The following SAMD5 variants were observed in gnomAD, a reference collection of about 807,000 sequenced individuals.
The protein encoded by SAMD5 is sterile alpha motif domain containing 5, also known as sterile alpha motif domain-containing protein 5.
Under a neutral mutation model 11.3 loss-of-function variants are expected in SAMD5, and 13 were observed. The observed-to-expected ratio is 1.15, with a 90% CI of 0.75 to 1.83. The LOEUF is 1.83. Ranked by LOEUF, SAMD5 falls within the 40% of genes most tolerant of loss-of-function variation. The pLI is 0.00. For synonymous variants in SAMD5, 129 were observed against 111.3 expected, an observed-to-expected ratio of 1.16 and a Z score of -1.00; for missense variants, 255 against 239.1, an observed-to-expected ratio of 1.07 and a Z score of -0.44.
At chr6:147,798,713 G>A in the SAMD5 span, among the ~76,000 whole-genome samples, 315 of 152,128 alleles carry the variant, frequency 2.1e-3, no homozygotes, top group African/African-American at 7.2e-3. Context: ...AAGTCTATTT[G>A]TAGGTCACTC....
At chr6:147,725,164 A>C (rs750529939) in intron 1 of SAMD5, among the ~76,000 whole-genome samples, 7 of 152,218 alleles carry the variant, frequency 4.6e-5, no homozygotes, top group Non-Finnish European at 1.0e-4. Context: ...AATATATAAT[A>C]TCCGTATCAT....
chr6:147,657,276 T>G lies in SAMD5; in HGVS notation c.163-80041T>G, dbSNP rs147762743. 6.7e-3 allele frequency among the ~76,000 whole-genome samples: 1,020 copies of G among 152,278 alleles called. 17 individuals are homozygous for G. Among genetic ancestry groups the G allele is most frequent in the South Asian group, 0.039 (188 of 4,824 alleles). ...TTGGGACAACTGATAAAACTTGGAA[T>G]ATTAATTGTAGATTAGATACAATTA... On this transcript the variant is annotated intron_variant, in intron 1 of 1. Transcript: ENST00000566741.
intron 1 of SAMD5, among the ~76,000 whole-genome samples, chr6:147,539,303 C>T (rs1373480234): frequency 6.6e-6 from 1 of 152,114 alleles, no homozygotes; most frequent in Non-Finnish European, 1.5e-5. Context: ...CTCCCAGTCG[C>T]GGGCGAGGAT....
chr6:147,638,303 T>C (rs1343868020), intron 1 of SAMD5, among the ~76,000 whole-genome samples: 1 of 152,244 alleles, frequency 6.6e-6, no homozygotes, highest in Non-Finnish European at 1.5e-5. Flanking sequence ...TTAGTCCATT[T>C]ATCTAAACTA....
the SAMD5 span, among the ~76,000 whole-genome samples, chr6:147,803,131 CTGTGTGTGTGTGTGTG>C: frequency 1.4e-3 from 188 of 136,816 alleles, 2 homozygotes; most frequent in South Asian, 4.0e-3. Context: ...GCCTTCCTTT[CTGTGTGTGTGTGTGTG>C]TGTGTGTGTG....
At chr6:147,631,634 C>T (rs917825834) in intron 1 of SAMD5, among the ~76,000 whole-genome samples, 7 of 152,088 alleles carry the variant, frequency 4.6e-5, no homozygotes, top group East Asian at 1.9e-4. Context: ...AAGAAATGAC[C>T]GCGGTGAACT....
the SAMD5 span, among the ~76,000 whole-genome samples, chr6:147,834,527 G>A: frequency 6.6e-6 from 1 of 152,194 alleles, no homozygotes; most frequent in Non-Finnish European, 1.5e-5. Context: ...GCGAGGACAA[G>A]GATGAGAAGG....
rs77599373 is a variant in SAMD5, at chr6:147,568,139, G to C, written c.*3683G>C. On this transcript the variant is annotated 3_prime_UTR_variant, in exon 2 of 2. Coordinates refer to ENST00000367474, the MANE Select transcript of SAMD5 (RefSeq NM_001030060.3). ...TGATTTACAAATTAGGAGTGCAAATGGGCTGTTCCCCGATAGCATCTTCTG... is the reference window on the plus strand; with the variant it reads ...TGATTTACAAATTAGGAGTGCAAATCGGCTGTTCCCCGATAGCATCTTCTG... 4 of 985,062 alleles carry C rather than the reference G, an allele frequency of 4.1e-6. No individual in the cohort carries two copies. The African/African-American group carries it at 7.0e-5, about 17-fold the overall frequency. 61.0% of individuals were successfully genotyped at this position (985,062 alleles called of 1,614,324 possible). A position where few individuals can be genotyped will look rare whatever the true frequency, so the allele number is the denominator to read the frequency against.
chr6:147,529,704 G>A (rs1360582301), intron 1 of SAMD5, among the ~76,000 whole-genome samples: 1 of 152,062 alleles, frequency 6.6e-6, no homozygotes, highest in East Asian at 1.9e-4. Flanking sequence ...CCACCTCTAA[G>A]TAAAGCATTT....
the SAMD5 span, among the ~76,000 whole-genome samples, chr6:147,900,185 G>A: frequency 6.6e-6 from 1 of 152,172 alleles, no homozygotes; most frequent in Non-Finnish European, 1.5e-5. Flanking sequence ...TGTAGAGCAA[G>A]TATTGTTCCC....
At chr6:147,845,986 G>A in the SAMD5 span, among the ~76,000 whole-genome samples, 15 of 152,176 alleles carry the variant, frequency 9.9e-5, no homozygotes, top group African/African-American at 3.6e-4. Flanking sequence ...TTTCCATCAA[G>A]AGGCGTACAA....
the SAMD5 span, among the ~76,000 whole-genome samples, chr6:147,902,234 T>A: frequency 2.0e-5 from 3 of 152,190 alleles, no homozygotes; most frequent in African/African-American, 7.2e-5. Context: ...TTGACATTTA[T>A]CACATTTGTT....
the SAMD5 span, among the ~76,000 whole-genome samples, chr6:147,773,315 A>T: frequency 6.6e-6 from 1 of 152,236 alleles, no homozygotes; most frequent in Admixed American, 6.5e-5. Flanking sequence ...TTTGAGAACC[A>T]GCCCCATCAG....
chr6:147,879,312 G>A, the SAMD5 span, among the ~76,000 whole-genome samples: 1 of 152,158 alleles, frequency 6.6e-6, no homozygotes, highest in Non-Finnish European at 1.5e-5. Flanking sequence ...ATCTGCGCAG[G>A]CTGATGCCTT....
chr6:147,765,391 A>G, the SAMD5 span, among the ~76,000 whole-genome samples: 80 of 152,328 alleles, frequency 5.3e-4, 1 homozygote, highest in African/African-American at 1.8e-3. Flanking sequence ...GGAATAAAAC[A>G]TCTTATAGGG....
chr6:147,533,725 A>ATCTGTG (rs1788465949), intron 1 of SAMD5, among the ~76,000 whole-genome samples: 1 of 152,054 alleles, frequency 6.6e-6, no homozygotes, highest in Admixed American at 6.6e-5. Context: ...GCAGACTGGC[A>ATCTGTG]GCTGCAGATC....
At chr6:147,761,770 G>C in the SAMD5 span, among the ~76,000 whole-genome samples, 1 of 152,164 alleles carries the variant, frequency 6.6e-6, no homozygotes, top group Non-Finnish European at 1.5e-5. Context: ...CTGGAGTGCA[G>C]TGGCAAGTTC....
chr6:147,690,556 C>T (rs942944671), intron 1 of SAMD5, among the ~76,000 whole-genome samples: 5 of 151,968 alleles, frequency 3.3e-5, no homozygotes, highest in East Asian at 1.9e-4. Flanking sequence ...GGCAGAGGCA[C>T]GAGAATCACT....
At chr6:147,689,218 AAG>A (rs1343188219) in intron 1 of SAMD5, among the ~76,000 whole-genome samples, 4 of 152,238 alleles carry the variant, frequency 2.6e-5, no homozygotes, top group African/African-American at 9.6e-5. Context: ...GGTCACAGGC[AAG>A]AGAGTGCAGC....
Sources: gnomAD v4.1 joint callset for allele counts (sites outside exome capture counted in the v4.1 genomes callset) on GRCh38, gnomAD v4.1.1 for gene constraint, MANE v1.5 for transcripts, NCBI Gene and HGNC (gene_info 2026-07-23, HGNC 2026-07-21) for gene names.